The following RPL3L variants were observed in gnomAD, a reference collection of about 807,000 sequenced individuals.
The protein encoded by RPL3L is ribosomal protein L3 like, also known as ribosomal protein uL3-like.
Under a neutral mutation model 44.5 loss-of-function variants are expected in RPL3L, and 44 were observed. The observed-to-expected ratio is 0.99, with a 90% CI of 0.78 to 1.27. The LOEUF is 1.27. RPL3L is among the 50% of genes most tolerant of loss of function. The pLI, the probability that RPL3L is intolerant of heterozygous loss-of-function variation, is 0.00. For missense variants in RPL3L, 631 were observed against 569.1 expected, an observed-to-expected ratio of 1.11 and a Z score of -1.11; for synonymous variants, 292 against 230.7, an observed-to-expected ratio of 1.27 and a Z score of -2.41.
intron 3 of RPL3L, 51 bp downstream of exon 3, chr16:1,952,823 C>A: frequency 6.2e-7 from 1 of 1,602,030 alleles, no homozygotes; most frequent in South Asian, 1.1e-5. Flanking sequence ...AGGCACCCAA[C>A]TTCTGTGGTC....
chr16:1,947,642 GC>G (rs1463632016), intron 4 of RPL3L, among the ~76,000 whole-genome samples: 1 of 152,318 alleles, frequency 6.6e-6, no homozygotes, highest in East Asian at 1.9e-4. Context: ...AGGACAGAGT[GC>G]TCTGATGGGC....
At position 1,947,247 on chromosome 16, in the gene RPL3L, C is replaced by T. The variant is rs141998697; in HGVS notation, c.635G>A (p.Ser212Asn). 1 of 1,613,466 alleles carries T rather than the reference C, an allele frequency of 6.2e-7. No homozygotes were observed. The highest frequency in any genetic ancestry group is 1.3e-5 in the African/African-American group (1 of 74,952). The change falls in exon 5 of 10, where the codon AGC becomes AAC. Residue 212 changes from serine (S) to asparagine (N), a missense_variant. Ser to Asn is a conservative substitution (Grantham distance 46). Coordinates refer to ENST00000268661, the MANE Select transcript of RPL3L (RefSeq NM_005061.3). ...EKQVPVHSVF[S>N]QSEVIDVIAV... The stretch of plus-strand genomic sequence containing the variant: ...AATGACATCAATGACCTCACTCTGG[C>T]TGAACACGCTGTGCACGGGCACCTG...
chr16:1,946,892 T>C (rs372569047), intron 6 of RPL3L, 46 bp downstream of exon 6: 5 of 1,570,952 alleles, frequency 3.2e-6, no homozygotes, highest in African/African-American at 2.7e-5. Flanking sequence ...TACTGAGGGC[T>C]GGGGTCCGAC....
chr16:1,946,816 G>A, intron 6 of RPL3L, 90 bp from the exon 7 acceptor site: 2 of 1,575,566 alleles, frequency 1.3e-6, no homozygotes, highest in South Asian at 2.2e-5. Context: ...CTCAGACTCA[G>A]TGCTGGTGGG....
At chr16:1,951,011 C>G (rs1164838075) in intron 3 of RPL3L, 32 bp from the exon 4 acceptor site, 1 of 1,608,386 alleles carries the variant, frequency 6.2e-7, no homozygotes, top group Admixed American at 1.7e-5. Flanking sequence ...GCTCAGAAGC[C>G]CCCAACCGGG....
At chr16:1,950,299 T>A (rs1314667263) in intron 4 of RPL3L, among the ~76,000 whole-genome samples, 2 of 151,298 alleles carry the variant, frequency 1.3e-5, no homozygotes, top group Non-Finnish European at 2.9e-5. Flanking sequence ...TCCAGGGAGA[T>A]GAACACACAC....
At chr16:1,951,368 G>A (rs1367835841) in intron 3 of RPL3L, among the ~76,000 whole-genome samples, 1 of 152,098 alleles carries the variant, frequency 6.6e-6, no homozygotes, top group African/African-American at 2.4e-5. Flanking sequence ...GGCACCTCGG[G>A]CTTGGGAGCC....
chr16:1,944,904 G>A lies in RPL3L; in HGVS notation c.1168-11C>T. 3 of 1,610,270 alleles carry A rather than the reference G, an allele frequency of 1.9e-6. No homozygotes were observed. Among genetic ancestry groups the A allele is most frequent in the Non-Finnish European group, 2.5e-6 (3 of 1,179,502 alleles). ...CTTCTTTTGGGGGCCCTGGTTGAGA[G>A]GGTGGTGCAGGAGGAGCCTTAGTCA... On this transcript the variant is annotated splice_polypyrimidine_tract_variant and intron_variant, in intron 9 of 9. Transcript: ENST00000268661.
At chr16:1,947,938 AT>A (rs1158555053) in intron 4 of RPL3L, among the ~76,000 whole-genome samples, 10,190 of 109,832 alleles carry the variant, frequency 0.093, 297 homozygotes, top group African/African-American at 0.11. Context: ...ATCTGATTGG[AT>A]TTTTTTTTTT....
chr16:1,954,017 G>A lies in RPL3L; in HGVS notation c.135C>T (p.Ala45=), dbSNP rs543384347. The change falls in exon 2 of 10, where the codon GCC becomes GCT. Residue 45 remains alanine, a synonymous_variant. Transcript: ENST00000268661. The part of the protein sequence containing the change: ...DDPSQPVHLT[A]FLGYKAGMTH... ...TCATGCCCGCCTTGTAGCCCAGGAA[G>A]GCCGTGAGGTGCACGGGCTGGCTGG... The A allele has an allele frequency of 4.4e-6, 7 of 1,602,734 alleles. No individual in the cohort carries two copies. The South Asian group carries it at 7.8e-5, about 18-fold the overall frequency.
chr16:1,947,416 C>A (rs771863929), intron 4 of RPL3L, 36 bp from the exon 5 acceptor site: 1 of 1,496,320 alleles, frequency 6.7e-7, no homozygotes, highest in Non-Finnish European at 8.9e-7. Flanking sequence ...CCACGGCCCA[C>A]GGGATCACAC....
rs1462143248 is a variant in RPL3L at position 1,946,989 on chromosome 16, A to C, written c.798T>G (p.Ile266Met). The C allele has an allele frequency of 1.2e-6, 2 of 1,610,942 alleles. No homozygotes were observed. The highest frequency in any genetic ancestry group is 1.7e-6 in the Non-Finnish European group (2 of 1,179,276). ...GATAGCCCTTCTGCCCGGCCCGAGC[A>C]ATGGAGCAGCCCACGCGGGCGGGGT... ...AWHPARVGCSIARAGQKGYHH... is the reference protein window; with the variant it reads ...AWHPARVGCSMARAGQKGYHH... Residue 266 changes from isoleucine to methionine, a missense_variant, in exon 6 of 10, where the codon ATT becomes ATG. Coordinates refer to ENST00000268661, the MANE Select transcript of RPL3L (RefSeq NM_005061.3).
rs1275327839 is a variant in RPL3L, at chr16:1,944,295, G to C, written c.*542C>G. The C allele has an allele frequency of 6.4e-6, 1 of 155,272 alleles. No individual in the cohort carries two copies. Among genetic ancestry groups the C allele is most frequent in the Non-Finnish European group, 1.4e-5 (1 of 69,828 alleles). The allele number at this position is 155,272 out of a possible 1,614,324, so 9.6% of individuals were successfully genotyped here. ...TAAGCTGCCCCTAAGATCAGTGCTT[G>C]AGATATTTTGCCGACCCTGCAACTT... is the stretch of plus-strand genomic sequence containing the variant. On this transcript the variant is annotated 3_prime_UTR_variant, in exon 10 of 10. Transcript: ENST00000268661.
intron 3 of RPL3L, 39 bp from the exon 4 acceptor site, chr16:1,951,018 C>T (rs779464047): frequency 5.0e-5 from 81 of 1,604,706 alleles, no homozygotes; most frequent in Admixed American, 6.7e-5. Context: ...AGCCCCCAAC[C>T]GGGGCAGCTC....
Position 1,944,891 on chromosome 16 carries a change from G to A in RPL3L, c.1170C>T (p.Gly390=), listed in dbSNP as rs1384523980. The change falls in exon 10 of 10, where the codon GGC becomes GGT. Residue 390 remains glycine (G), a splice_region_variant and synonymous_variant. Coordinates refer to ENST00000268661, the MANE Select transcript of RPL3L (RefSeq NM_005061.3). ...CCTTCTCCAGATGCTTCTTTTGGGG[G>A]CCCTGGTTGAGAGGGTGGTGCAGGA... is the stretch of plus-strand genomic sequence containing the variant. The part of the protein sequence containing the change: ...QTAQEKRAFM[G]PQKKHLEKET... 1 of 1,613,502 alleles carries A rather than the reference G, an allele frequency of 6.2e-7. No individual in the cohort carries two copies. The highest frequency in any genetic ancestry group is 8.5e-7 in the Non-Finnish European group (1 of 1,179,966).
intron 2 of RPL3L, 56 bp downstream of exon 2, chr16:1,953,900 G>A (rs557625621): frequency 3.7e-5 from 52 of 1,414,966 alleles, no homozygotes; most frequent in South Asian, 9.6e-5. Flanking sequence ...TTCTGGCTCC[G>A]AGCATCTGGA....
rs894490884 is a variant in RPL3L, at chr16:1,944,749, G to A, written c.*88C>T. On this transcript the variant is annotated 3_prime_UTR_variant, in exon 10 of 10. Transcript: ENST00000268661. Reference sequence around the variant, plus strand: ...CTTGGGCGGTTACACAGCGCTCTGAGACCTCGCAGGAAGAGTCGCCTCCGG... The same window carrying A: ...CTTGGGCGGTTACACAGCGCTCTGAAACCTCGCAGGAAGAGTCGCCTCCGG... 2 of 1,575,378 alleles carry A rather than the reference G, an allele frequency of 1.3e-6. No individual in the cohort carries two copies. The highest frequency in any genetic ancestry group is 1.7e-5 in the Admixed American group (1 of 59,784).
intron 4 of RPL3L, among the ~76,000 whole-genome samples, chr16:1,948,357 G>C (rs769442864): frequency 6.6e-6 from 1 of 151,976 alleles, no homozygotes; most frequent in South Asian, 2.1e-4. Flanking sequence ...TTGAGTAACT[G>C]GGATTACAGG....
chr16:1,949,009 CT>C (rs34900670), intron 4 of RPL3L, among the ~76,000 whole-genome samples: 24,489 of 124,342 alleles, frequency 0.2, 2,231 homozygotes, highest in African/African-American at 0.39. Flanking sequence ...CCGCGCCTGG[CT>C]TTTTTTTTTT....
Sources: allele counts gnomAD v4.1 joint callset (sites outside exome capture counted in the v4.1 genomes callset), GRCh38; gene constraint gnomAD v4.1.1; transcripts MANE v1.5; gene names NCBI Gene and HGNC (gene_info 2026-07-23, HGNC 2026-07-21).